Variants in HS3ST4 observed in about 807,000 individuals in gnomAD.
HS3ST4 encodes the protein heparan sulfate-glucosamine 3-sulfotransferase 4.
HS3ST4 carries 17 observed loss-of-function variants against 29.2 expected under a neutral mutation model. The observed-to-expected ratio is 0.58, with a 90% CI of 0.40 to 0.87. The LOEUF is 0.87. HS3ST4 is among the 40% of genes least tolerant of loss of function. The pLI, the probability that HS3ST4 is intolerant of heterozygous loss-of-function variation, is 0.00. For missense variants in HS3ST4, 627 were observed against 634.5 expected (o/e 0.99, Z 0.13); for synonymous variants, 314 against 285.7 (o/e 1.10, Z -1.00).
Position 25,908,457 on chromosome 16 carries a change from C to T in HS3ST4, c.734+215306C>T, listed in dbSNP as rs149699619. ...GTCATGATTGAACATCTGTTGTATG[C>T]CCAGCCCTGTGCTGGAAGCCTGAGT... On this transcript the variant is annotated intron_variant, in intron 1 of 1. Coordinates refer to ENST00000331351, the MANE Select transcript of HS3ST4 (RefSeq NM_006040.3). Among the ~76,000 whole-genome samples the T allele has an allele frequency of 5.6e-4, 86 of 152,276 alleles. 1 individual carries two copies. In the East Asian group the frequency reaches 0.015, roughly 27 times the overall value.
intron 1 of HS3ST4, among the ~76,000 whole-genome samples, chr16:25,867,868 C>A (rs1220117224): frequency 6.6e-6 from 1 of 152,016 alleles, no homozygotes; most frequent in Admixed American, 6.6e-5. Context: ...TCAGTTTACC[C>A]AGTTGTGAAA....
At chr16:25,826,148 G>A (rs1262324705) in intron 1 of HS3ST4, 2 of 152,206 alleles carry the variant, frequency 1.3e-5, no homozygotes, top group East Asian at 3.8e-4. Context: ...ATGGAGCTCA[G>A]AAAGATGATC....
intron 1 of HS3ST4, among the ~76,000 whole-genome samples, chr16:25,966,453 C>G (rs1968843860): frequency 6.6e-6 from 1 of 152,304 alleles, no homozygotes; most frequent in Admixed American, 6.5e-5. Flanking sequence ...CCTTGGAAGA[C>G]TTTGCCTGGT....
At chr16:26,074,837 A>G (rs1409945033) in intron 1 of HS3ST4, among the ~76,000 whole-genome samples, 1 of 152,134 alleles carries the variant, frequency 6.6e-6, no homozygotes, top group Non-Finnish European at 1.5e-5. Context: ...CTGAGCTTCA[A>G]GCAAGCTTTT....
intron 1 of HS3ST4, among the ~76,000 whole-genome samples, chr16:25,948,982 A>G (rs778744489): frequency 5.9e-5 from 9 of 152,034 alleles, no homozygotes; most frequent in African/African-American, 1.9e-4. Flanking sequence ...TTTGCAGATG[A>G]TATTTATGAC....
At chr16:26,047,976 A>G (rs1250954522) in intron 1 of HS3ST4, among the ~76,000 whole-genome samples, 2 of 152,184 alleles carry the variant, frequency 1.3e-5, no homozygotes, top group African/African-American at 4.8e-5. Context: ...CTCCAACCAG[A>G]TGTGAGGCAA....
chr16:26,001,929 G>C lies in HS3ST4; in HGVS notation c.735-133683G>C, dbSNP rs1013223566. Among the ~76,000 whole-genome samples the C allele has an allele frequency of 2.0e-5, 3 of 152,140 alleles. No homozygotes were observed. The East Asian group carries it at 5.8e-4, about 29-fold the overall frequency. ...AGAAGAAAGGATGTATCTGAGAGGTGTTTAAAGAGGGAGTTTTCAGGACTT... is the reference window on the plus strand; with the variant it reads ...AGAAGAAAGGATGTATCTGAGAGGTCTTTAAAGAGGGAGTTTTCAGGACTT... On this transcript the variant is annotated intron_variant, in intron 1 of 1. Transcript: ENST00000331351.
At chr16:25,985,856 T>A (rs1364615576) in intron 1 of HS3ST4, among the ~76,000 whole-genome samples, 2 of 152,056 alleles carry the variant, frequency 1.3e-5, no homozygotes, top group Non-Finnish European at 2.9e-5. Flanking sequence ...AGGCAATTTT[T>A]AAATATTTTG....
chr16:26,023,780 G>A (rs146373147), intron 1 of HS3ST4, among the ~76,000 whole-genome samples: 2 of 152,246 alleles, frequency 1.3e-5, no homozygotes, highest in African/African-American at 4.8e-5. Flanking sequence ...ATAGCAGAGT[G>A]GGGTAGAATG....
intron 1 of HS3ST4, among the ~76,000 whole-genome samples, chr16:26,048,035 G>A (rs1898291044): frequency 6.6e-6 from 1 of 152,204 alleles, no homozygotes; most frequent in African/African-American, 2.4e-5. Context: ...CAAGATCAAG[G>A]TGTCGGCAGG....
At chr16:26,053,528 CTCAGGAAGACCAAATTTAAGACT>C (rs1298822423) in intron 1 of HS3ST4, among the ~76,000 whole-genome samples, 1 of 152,170 alleles carries the variant, frequency 6.6e-6, no homozygotes, top group East Asian at 1.9e-4. Context: ...ACTGTTCTTT[CTCAGGAAGACCAAATTTAAGACT>C]TCAGGAAGTG....
At chr16:25,997,482 G>A (rs1969167742) in intron 1 of HS3ST4, among the ~76,000 whole-genome samples, 1 of 152,158 alleles carries the variant, frequency 6.6e-6, no homozygotes, top group South Asian at 2.1e-4. Flanking sequence ...AGTTCAGACT[G>A]ACTTCAGGAA....
At chr16:25,705,398 G>T (rs1008922050) in intron 1 of HS3ST4, among the ~76,000 whole-genome samples, 2 of 152,152 alleles carry the variant, frequency 1.3e-5, no homozygotes, top group African/African-American at 4.8e-5. Flanking sequence ...GGCTGCGGTG[G>T]CTCACGCCTG....
At chr16:25,861,063 A>G (rs949408829) in intron 1 of HS3ST4, among the ~76,000 whole-genome samples, 1 of 152,184 alleles carries the variant, frequency 6.6e-6, no homozygotes, top group African/African-American at 2.4e-5. Context: ...AAACAAACAA[A>G]TACACAGCAA....
chr16:25,860,053 G>A lies in HS3ST4; in HGVS notation c.734+166902G>A, dbSNP rs1290269436. Among the ~76,000 whole-genome samples the A allele has an allele frequency of 3.9e-5, 6 of 152,272 alleles. No individual in the cohort carries two copies. In the South Asian group the frequency reaches 1.2e-3, roughly 32 times the overall value. Reference sequence around the variant, plus strand: ...GATCTAGGTTGTGAGCTCCTTATGAGAATCTAATTGACCTGAGGTGGAACA... The same window carrying A: ...GATCTAGGTTGTGAGCTCCTTATGAAAATCTAATTGACCTGAGGTGGAACA... On this transcript the variant is annotated intron_variant, in intron 1 of 1. Coordinates refer to ENST00000331351, the MANE Select transcript of HS3ST4 (RefSeq NM_006040.3).
intron 1 of HS3ST4, among the ~76,000 whole-genome samples, chr16:25,752,437 T>C (rs1966728134): frequency 6.6e-6 from 1 of 152,078 alleles, no homozygotes; most frequent in African/African-American, 2.4e-5. Context: ...ATCACATTTG[T>C]CATAATGAGG....
intron 1 of HS3ST4, among the ~76,000 whole-genome samples, chr16:26,085,717 T>G (rs1898778662): frequency 6.6e-6 from 1 of 151,812 alleles, no homozygotes; most frequent in Admixed American, 6.6e-5. Flanking sequence ...CAAAAATTTT[T>G]TTAAAAATTA....
intron 1 of HS3ST4, among the ~76,000 whole-genome samples, chr16:25,875,604 G>C (rs914172448): frequency 6.6e-6 from 1 of 152,094 alleles, no homozygotes; most frequent in Non-Finnish European, 1.5e-5. Context: ...TGTCACACCT[G>C]TTAAGTCCAA....
At chr16:26,001,760 G>A (rs1051137555) in intron 1 of HS3ST4, among the ~76,000 whole-genome samples, 9 of 152,104 alleles carry the variant, frequency 5.9e-5, no homozygotes, top group South Asian at 2.1e-4. Context: ...CATTTTCTCC[G>A]AGGCTCTGAA....
Sources: allele counts gnomAD v4.1 joint callset (sites outside exome capture counted in the v4.1 genomes callset), GRCh38; gene constraint gnomAD v4.1.1; transcripts MANE v1.5; gene names NCBI Gene and HGNC (gene_info 2026-07-23, HGNC 2026-07-21).